DCC: variants seen among roughly 807,000 people sequenced by gnomAD.
The protein encoded by DCC is netrin receptor DCC.
DCC carries 58 observed loss-of-function variants against 172.5 expected under a neutral mutation model. That is an observed-to-expected ratio of 0.34 (90% CI 0.27 to 0.42). DCC has a LOEUF of 0.42. Among genes scored for constraint, DCC ranks in the 10% least tolerant of loss-of-function variants. The pLI is 1.00. For missense variants in DCC, 1,740 were observed against 1,791.0 expected (o/e 0.97, Z 0.51); for synonymous variants, 709 against 644.5 (o/e 1.10, Z -1.52).
At chr18:53,083,448 G>A (rs2042834359) in intron 7 of DCC, among the ~76,000 whole-genome samples, 1 of 152,140 alleles carries the variant, frequency 6.6e-6, no homozygotes, top group African/African-American at 2.4e-5. Context: ...TTATACAGCT[G>A]TCAAGAATAC....
chr18:52,850,652 A>G (rs1238387375), intron 2 of DCC, among the ~76,000 whole-genome samples: 1 of 152,076 alleles, frequency 6.6e-6, no homozygotes, highest in African/African-American at 2.4e-5. Context: ...GGGAACACCT[A>G]TTCTACTTGT....
At chr18:53,011,604 C>T (rs1469250143) in intron 5 of DCC, among the ~76,000 whole-genome samples, 1 of 151,574 alleles carries the variant, frequency 6.6e-6, no homozygotes, top group Non-Finnish European at 1.5e-5. Flanking sequence ...GATAAAATTG[C>T]TATGTAAAAG....
chr18:52,483,148 C>T (rs540808893), intron 1 of DCC, among the ~76,000 whole-genome samples: 9 of 152,146 alleles, frequency 5.9e-5, no homozygotes, highest in South Asian at 2.1e-4. Flanking sequence ...CTGCGAAATC[C>T]GCCTCTGCCT....
chr18:53,419,227 G>A (rs1450939826), intron 21 of DCC, among the ~76,000 whole-genome samples: 2 of 152,140 alleles, frequency 1.3e-5, no homozygotes, highest in African/African-American at 4.8e-5. Flanking sequence ...AGCATACAGT[G>A]TGAAATAAGC....
intron 1 of DCC, among the ~76,000 whole-genome samples, chr18:52,632,391 T>C (rs1163329754): frequency 6.6e-6 from 1 of 152,174 alleles, no homozygotes; most frequent in Non-Finnish European, 1.5e-5. Flanking sequence ...ATGTTCAACA[T>C]GTACATAGCC....
intron 5 of DCC, among the ~76,000 whole-genome samples, chr18:53,049,253 T>C (rs548435116): frequency 1.3e-5 from 2 of 152,256 alleles, no homozygotes; most frequent in African/African-American, 4.8e-5. Flanking sequence ...CTGAAATCTT[T>C]GCCAGGTCCT....
intron 1 of DCC, among the ~76,000 whole-genome samples, chr18:52,666,850 T>C (rs991639861): frequency 6.6e-6 from 1 of 152,232 alleles, no homozygotes; most frequent in Non-Finnish European, 1.5e-5. Context: ...AAAATACTTT[T>C]TTCCCCAGAA....
intron 5 of DCC, among the ~76,000 whole-genome samples, chr18:52,947,805 C>T (rs1016216095): frequency 6.6e-6 from 1 of 152,102 alleles, no homozygotes; most frequent in Non-Finnish European, 1.5e-5. Context: ...GACAACCTCA[C>T]GGCAACATTG....
At chr18:52,532,326 C>A (rs1216805827) in intron 1 of DCC, among the ~76,000 whole-genome samples, 3 of 152,134 alleles carry the variant, frequency 2.0e-5, no homozygotes, top group Non-Finnish European at 4.4e-5. Context: ...TCAAGAATTC[C>A]TTAATTTTGT....
chr18:53,205,290 C>G lies in DCC; in HGVS notation c.1648C>G (p.Pro550Ala), dbSNP rs769342452. 1 of 1,613,656 alleles carries G rather than the reference C, an allele frequency of 6.2e-7. No homozygotes were observed. Among genetic ancestry groups the G allele is most frequent in the South Asian group, 1.1e-5 (1 of 91,074 alleles). The change falls in exon 10 of 29, where the codon CCC (proline) becomes GCC (alanine). Residue 550 changes from proline to alanine, a missense_variant. This residue lies in a region of DCC where 1,732 missense variants were observed against 1,767.4 expected (regional missense o/e 0.98). Coordinates refer to ENST00000442544, the MANE Select transcript of DCC (RefSeq NM_005215.4). ...TACCTCAATTCTTATTACCTGGGAA[C>G]CCCCTGCCTATGCAAACGGTCCAGT... The part of the protein sequence containing the change: ...SPTSILITWE[P>A]PAYANGPVQG...
At chr18:53,274,198 C>G (rs2056780424) in intron 12 of DCC, among the ~76,000 whole-genome samples, 1 of 152,028 alleles carries the variant, frequency 6.6e-6, no homozygotes, top group Non-Finnish European at 1.5e-5. Flanking sequence ...AACTTAAACC[C>G]TCTTTATATT....
intron 25 of DCC, among the ~76,000 whole-genome samples, chr18:53,471,929 A>G (rs1276517879): frequency 6.6e-6 from 1 of 152,110 alleles, no homozygotes; most frequent in African/African-American, 2.4e-5. Flanking sequence ...GTATTTTAAT[A>G]TAATCTTTAT....
At chr18:52,635,057 C>T (rs1418216778) in intron 1 of DCC, among the ~76,000 whole-genome samples, 2 of 152,082 alleles carry the variant, frequency 1.3e-5, no homozygotes, top group African/African-American at 4.8e-5. Flanking sequence ...TATATTATTT[C>T]CAGTGGTTTC....
chr18:52,882,518 TTTC>T (rs1421036288), intron 2 of DCC, among the ~76,000 whole-genome samples: 3 of 152,132 alleles, frequency 2.0e-5, no homozygotes, highest in Non-Finnish European at 2.9e-5. Context: ...ATTTTTCAAT[TTTC>T]TTCTTGATTC....
In DCC at chr18:52,439,174, T is replaced by TTGTGTGTGTGTGTGTGTG. The variant is rs60983168; in HGVS notation, c.91+98316_91+98333dup. On this transcript the variant is annotated intron_variant, in intron 1 of 28. Transcript: ENST00000442544. ...CTGTTAATATTTTGGAAGATATGTT[T>TTGTGTGTGTGTGTGTGTG]TGTGTGTGTGTGTGTGTGTGTGTGT... Among the ~76,000 whole-genome samples the TTGTGTGTGTGTGTGTGTG allele has an allele frequency of 2.7e-3, 393 of 144,822 alleles. 5 individuals are homozygous for TTGTGTGTGTGTGTGTGTG. The highest frequency in any genetic ancestry group is 0.015 in the Admixed American group (210 of 14,442).
At chr18:53,090,698 CAAAAAAAAAAAAAAAAAAAAAAAAA>C (rs59898050) in intron 7 of DCC, among the ~76,000 whole-genome samples, 1 of 39,356 alleles carries the variant, frequency 2.5e-5, no homozygotes, top group Non-Finnish European at 5.5e-5. Flanking sequence ...CGTCCCCCAA[CAAAAAAAAAAAAAAAAAAAAAAAAA>C]AAAAAAAAAA....
At chr18:52,677,485 T>A (rs914955618) in intron 1 of DCC, among the ~76,000 whole-genome samples, 6 of 152,042 alleles carry the variant, frequency 3.9e-5, no homozygotes, top group Middle Eastern at 3.4e-3. Flanking sequence ...GCTTCTTTTT[T>A]TATATATATT....
chr18:53,340,847 G>GT (rs2057651803), intron 15 of DCC, among the ~76,000 whole-genome samples: 1 of 152,056 alleles, frequency 6.6e-6, no homozygotes, highest in Non-Finnish European at 1.5e-5. Context: ...GGGGTGGGGG[G>GT]ATCTGCTACT....
At chr18:52,900,839 T>C (rs1268189939) in intron 2 of DCC, among the ~76,000 whole-genome samples, 1 of 152,218 alleles carries the variant, frequency 6.6e-6, no homozygotes, top group Non-Finnish European at 1.5e-5. Context: ...TTGAAATTCA[T>C]TCTGGGAATC....
Sources: gnomAD v4.1 joint callset for allele counts (sites outside exome capture counted in the v4.1 genomes callset) on GRCh38, gnomAD v4.1.1 for gene constraint, gnomAD v4.1.1 regional missense constraint, MANE v1.5 for transcripts, NCBI Gene and HGNC (gene_info 2026-07-23, HGNC 2026-07-21) for gene names.